Variants in N4BP3 observed in about 807,000 individuals in gnomAD.
The protein encoded by N4BP3 is NEDD4 binding protein 3, also known as NEDD4-binding protein 3.
A neutral mutation model predicts 43.8 loss-of-function variants in N4BP3; 33 were observed. That is an observed-to-expected ratio of 0.75 (90% CI 0.57 to 1.01). N4BP3 has a LOEUF of 1.01. N4BP3 is among the 50% of genes least tolerant of loss of function. The probability of loss-of-function intolerance (pLI) is 0.00; values close to 1 mark genes in which losing one functional copy is unlikely to be tolerated. For synonymous variants in N4BP3, 326 were observed against 321.9 expected, an observed-to-expected ratio of 1.01 and a Z score of -0.14; for missense variants, 756 against 744.2, an observed-to-expected ratio of 1.02 and a Z score of -0.18.
Position 178,121,236 on chromosome 5 carries a change from C to T in N4BP3, c.991C>T (p.Arg331Trp), listed in dbSNP as rs751193332. The T allele has an allele frequency of 9.4e-6, 15 of 1,603,332 alleles. No individual in the cohort carries two copies. The highest frequency in any genetic ancestry group is 1.2e-5 in the Non-Finnish European group (14 of 1,176,234). ...LQLFMAQQEQRRLRKELRAQQ... is the reference protein window; with the variant it reads ...LQLFMAQQEQWRLRKELRAQQ... Reference sequence around the variant, plus strand: ...GCTGTTTATGGCTCAGCAGGAGCAGCGGCGCCTGCGCAAGGAGCTGCGGGC... The same window carrying T: ...GCTGTTTATGGCTCAGCAGGAGCAGTGGCGCCTGCGCAAGGAGCTGCGGGC... The change falls in exon 4 of 5, where the codon CGG becomes TGG. Residue 331 changes from arginine (R) to tryptophan (W), a missense_variant. Arg to Trp is a moderately radical substitution (Grantham distance 101). Transcript: ENST00000274605.
rs1757955602 is a variant in N4BP3 at position 178,122,438 on chromosome 5, G to A, written c.*437G>A. 5.8e-6 allele frequency: 1 copy of A among 172,076 alleles called. No individual in the cohort carries two copies. Among genetic ancestry groups the A allele is most frequent in the South Asian group, 1.4e-4 (1 of 6,940 alleles). The allele number at this position is 172,076 out of a possible 1,614,324, so 10.7% of individuals were successfully genotyped here. A position where few individuals can be genotyped will look rare whatever the true frequency, so the allele number is the denominator to read the frequency against. On this transcript the variant is annotated 3_prime_UTR_variant, in exon 5 of 5. Transcript: ENST00000274605. ...GAATACGCTGAGCCTGTGACCAGAG[G>A]ATGATGGATGGTCGGGATTGAGGCT...
chr5:178,115,637 T>C (rs1251335126), intron 1 of N4BP3, among the ~76,000 whole-genome samples: 1 of 152,216 alleles, frequency 6.6e-6, no homozygotes, highest in African/African-American at 2.4e-5. Context: ...TTTCTGAACC[T>C]CAGTTTCCTC....
At chr5:178,114,493 A>G (rs921188176) in intron 1 of N4BP3, among the ~76,000 whole-genome samples, 4 of 152,206 alleles carry the variant, frequency 2.6e-5, no homozygotes, top group Non-Finnish European at 2.9e-5. Flanking sequence ...CCTGGGGACA[A>G]GCCGAAATCA....
Position 178,119,780 on chromosome 5 carries a change from G to C in N4BP3, c.197G>C (p.Ser66Thr). The C allele has an allele frequency of 6.2e-7, 1 of 1,613,634 alleles. No homozygotes were observed. The highest frequency in any genetic ancestry group is 8.5e-7 in the Non-Finnish European group (1 of 1,180,024). ...LSYLHLPKKD[S>T]KSTKNTKRAP... ...TACCTGCACCTCCCCAAGAAGGACA[G>C]CAAGAGCACCAAGAACACCAAGCGG... is the stretch of plus-strand genomic sequence containing the variant. Residue 66 changes from serine (S) to threonine (T), a missense_variant, in exon 2 of 5, where the codon AGC (serine) becomes ACC (threonine). Physicochemically the swap from Ser to Thr is moderately conservative, Grantham distance 58. Transcript: ENST00000274605.
At chr5:178,119,972 C>T in intron 2 of N4BP3, 59 bp downstream of exon 2, 3 of 1,522,720 alleles carry the variant, frequency 2.0e-6, no homozygotes, top group Admixed American at 2.0e-5. Context: ...CCTTGGAGAC[C>T]CTGATGTTGG....
chr5:178,126,470 G>A (rs920320496), downstream of N4BP3, among the ~76,000 whole-genome samples: 1 of 151,694 alleles, frequency 6.6e-6, no homozygotes, highest in Non-Finnish European at 1.5e-5. Flanking sequence ...GGGCCACGGC[G>A]CTTGGCCCAC....
At chr5:178,115,681 G>C (rs761625909) in intron 1 of N4BP3, among the ~76,000 whole-genome samples, 1 of 152,230 alleles carries the variant, frequency 6.6e-6, no homozygotes, top group East Asian at 1.9e-4. Context: ...CTCATCTCCT[G>C]TGTGTCTTGT....
rs574337443 is a variant in N4BP3 at position 178,119,010 on chromosome 5, C to T, written c.-30-544C>T. ...CCTCCCGAGTAGCTGGGACTACAGG[C>T]GCCCACCACCATGCCCGGCTAGTTT... On this transcript the variant is annotated intron_variant, in intron 1 of 4. Coordinates refer to ENST00000274605, the MANE Select transcript of N4BP3 (RefSeq NM_015111.2). Among the ~76,000 whole-genome samples the T allele has an allele frequency of 2.2e-3, 336 of 152,152 alleles. 1 individual carries two copies. Among genetic ancestry groups the T allele is most frequent in the African/African-American group, 7.0e-3 (289 of 41,508 alleles).
chr5:178,121,442 C>T (rs768425489), intron 4 of N4BP3, 32 bp from the exon 5 acceptor site: 2 of 1,613,716 alleles, frequency 1.2e-6, no homozygotes, highest in African/African-American at 2.7e-5. Context: ...CTCCCCACAC[C>T]CTACTTTGCT....
rs369933253 is a variant in N4BP3, at chr5:178,118,400, G to A, written c.-30-1154G>A. 2.6e-5 allele frequency among the ~76,000 whole-genome samples: 4 copies of A among 152,220 alleles called. No individual in the cohort carries two copies. The highest frequency in any genetic ancestry group is 5.9e-5 in the Non-Finnish European group (4 of 68,038). ...GTTATTGTCGCCAGGGTGTGTGTGC[G>A]GAAGTCCAGGCTCACTGAGGTTAGT... On this transcript the variant is annotated intron_variant, in intron 1 of 4. Coordinates refer to ENST00000274605, the MANE Select transcript of N4BP3 (RefSeq NM_015111.2). This position sits in a 1 kb window ranked among gnomAD's most constrained non-coding sequence, Gnocchi z 5.4.
intron 1 of N4BP3, among the ~76,000 whole-genome samples, chr5:178,114,584 C>G (rs1213035145): frequency 6.6e-6 from 1 of 152,244 alleles, no homozygotes; most frequent in African/African-American, 2.4e-5. Context: ...CACATAGGAA[C>G]AGATTGGGCC....
Position 178,119,916 on chromosome 5 carries a change from G to A in N4BP3, c.330+3G>A, listed in dbSNP as rs1757871620. The A allele has an allele frequency of 6.3e-7, 1 of 1,596,410 alleles. No individual in the cohort carries two copies. Reference sequence around the variant, plus strand: ...CAGAACGGGGTCGCTTTGACAAGGTGCACCTTTGCCCATGCCCCTTACAAG... The same window carrying A: ...CAGAACGGGGTCGCTTTGACAAGGTACACCTTTGCCCATGCCCCTTACAAG... On this transcript the variant is annotated splice_donor_region_variant and intron_variant, in intron 2 of 4. Coordinates refer to ENST00000274605, the MANE Select transcript of N4BP3 (RefSeq NM_015111.2).
At chr5:178,119,467 A>T in intron 1 of N4BP3, 87 bp from the exon 2 acceptor site, 1 of 976,978 alleles carries the variant, frequency 1.0e-6, no homozygotes, top group Non-Finnish European at 1.5e-6. Context: ...GTGGGGAGCT[A>T]CAGGGAGCAA....
chr5:178,122,322 A>C lies in N4BP3; in HGVS notation c.*321A>C. On this transcript the variant is annotated 3_prime_UTR_variant, in exon 5 of 5. Coordinates refer to ENST00000274605, the MANE Select transcript of N4BP3 (RefSeq NM_015111.2). ...CAGGTCAGAGGGAGAGAGGCTGGAG[A>C]CCTGGGCTGGGGCCTTCCTCCAGGG... The C allele has an allele frequency of 3.4e-6, 1 of 296,410 alleles. No individual in the cohort carries two copies. Among genetic ancestry groups the C allele is most frequent in the Non-Finnish European group, 6.3e-6 (1 of 157,846 alleles). The allele number at this position is 296,410 out of a possible 1,614,324, so 18.4% of individuals were successfully genotyped here. A position where few individuals can be genotyped will look rare whatever the true frequency, so the allele number is the denominator to read the frequency against.
rs1318226404 is a variant in N4BP3 at position 178,121,977 on chromosome 5, C to T, written c.1611C>T (p.Pro537=). The change falls in exon 5 of 5, where the codon CCC becomes CCT. Residue 537 remains proline (P), a synonymous_variant. Transcript: ENST00000274605. ...GGGAGCCCCCCACACCCTGGAGTCC[C>T]CGGCTCGAGTCCTCCAAGATCTGAG... The part of the protein sequence containing the change: ...ALREPPTPWS[P]RLESSKI The T allele has an allele frequency of 1.2e-6, 2 of 1,601,862 alleles. No homozygotes were observed. The highest frequency in any genetic ancestry group is 1.1e-5 in the South Asian group (1 of 89,722).
At position 178,124,216 on chromosome 5, in the gene N4BP3, A is replaced by AGG. The variant is rs1278954195; in HGVS notation, c.*2217_*2218dup. The stretch of plus-strand genomic sequence containing the variant: ...CAGAACAGTTCCCCACCCAGCGATT[A>AGG]GGGAGCTGGGCTGGCCAGTACAGCC... On this transcript the variant is annotated 3_prime_UTR_variant, in exon 5 of 5. Coordinates refer to ENST00000274605, the MANE Select transcript of N4BP3 (RefSeq NM_015111.2). 1.3e-5 allele frequency: 2 copies of AGG among 152,698 alleles called. No individual in the cohort carries two copies. Among genetic ancestry groups the AGG allele is most frequent in the African/African-American group, 4.8e-5 (2 of 41,456 alleles). 9.5% of individuals were successfully genotyped at this position (152,698 alleles called of 1,614,324 possible).
At chr5:178,117,329 T>C (rs1167487022) in intron 1 of N4BP3, among the ~76,000 whole-genome samples, 1 of 152,098 alleles carries the variant, frequency 6.6e-6, no homozygotes, top group African/African-American at 2.4e-5. Flanking sequence ...GGAGGCAGGA[T>C]GCTTCCATTC....
Position 178,125,979 on chromosome 5 carries a change from C to G in N4BP3, c.*3978C>G. The G allele has an allele frequency of 6.6e-6, 1 of 151,274 alleles. No individual in the cohort carries two copies. The highest frequency in any genetic ancestry group is 1.9e-4 in the East Asian group (1 of 5,134). 9.4% of individuals were successfully genotyped at this position (151,274 alleles called of 1,614,324 possible). A position where few individuals can be genotyped will look rare whatever the true frequency, so the allele number is the denominator to read the frequency against. ...ATATTACAAAGTAGCAAGAAAAATA[C>G]GACATTGGTGTAAAAATAATCTACA... On this transcript the variant is annotated 3_prime_UTR_variant, in exon 5 of 5. Coordinates refer to ENST00000274605, the MANE Select transcript of N4BP3 (RefSeq NM_015111.2).
At chr5:178,116,712 A>G (rs1198978086) in intron 1 of N4BP3, among the ~76,000 whole-genome samples, 2 of 152,146 alleles carry the variant, frequency 1.3e-5, no homozygotes, top group African/African-American at 4.8e-5. Flanking sequence ...CCTCTAGCTC[A>G]GGGACTTTCC....
Sources: gnomAD v4.1 joint callset for allele counts (sites outside exome capture counted in the v4.1 genomes callset) on GRCh38, gnomAD v4.1.1 for gene constraint, Gnocchi (gnomAD v3.1) non-coding constraint, MANE v1.5 for transcripts, NCBI Gene and HGNC (gene_info 2026-07-23, HGNC 2026-07-21) for gene names.